Variants in SLC2A13 observed in about 807,000 individuals in gnomAD.
SLC2A13 encodes proton myo-inositol cotransporter.
Under a neutral mutation model 64.4 loss-of-function variants are expected in SLC2A13, and 32 were observed. That is an observed-to-expected ratio of 0.50 (90% CI 0.37 to 0.67). SLC2A13 has a LOEUF of 0.67. Among genes scored for constraint, SLC2A13 ranks in the 30% least tolerant of loss-of-function variants. The pLI, the probability that SLC2A13 is intolerant of heterozygous loss-of-function variation, is 0.00. For missense variants in SLC2A13, 743 were observed against 829.2 expected (o/e 0.90, Z 1.28); for synonymous variants, 338 against 327.1 (o/e 1.03, Z -0.36).
intron 3 of SLC2A13, among the ~76,000 whole-genome samples, chr12:39,995,933 A>G (rs1947221472): frequency 6.6e-6 from 1 of 152,212 alleles, no homozygotes; most frequent in Non-Finnish European, 1.5e-5. Flanking sequence ...GCTACATGGA[A>G]CTGTAAGTCC....
intron 4 of SLC2A13, among the ~76,000 whole-genome samples, chr12:39,939,937 A>G (rs1245342479): frequency 6.6e-6 from 1 of 152,172 alleles, no homozygotes; most frequent in Non-Finnish European, 1.5e-5. Context: ...AATTAGACTG[A>G]AAGCAATTAA....
chr12:39,864,074 G>A (rs1391470896), intron 6 of SLC2A13, among the ~76,000 whole-genome samples: 1 of 152,184 alleles, frequency 6.6e-6, no homozygotes, highest in Non-Finnish European at 1.5e-5. Flanking sequence ...TTGAAGCTCT[G>A]CTGCCAAATA....
chr12:40,046,691 C>T (rs1948176436), intron 2 of SLC2A13, among the ~76,000 whole-genome samples: 1 of 151,622 alleles, frequency 6.6e-6, no homozygotes, highest in Admixed American at 6.6e-5. Context: ...CATCTGCAGA[C>T]ACAACAACCG....
At chr12:40,053,471 A>G (rs944120238) in intron 1 of SLC2A13, among the ~76,000 whole-genome samples, 2 of 152,102 alleles carry the variant, frequency 1.3e-5, no homozygotes, top group Non-Finnish European at 2.9e-5. Context: ...GTAATGTGCC[A>G]TTCAAGGGCT....
chr12:40,055,363 T>G (rs1948318640), intron 1 of SLC2A13, among the ~76,000 whole-genome samples: 1 of 152,184 alleles, frequency 6.6e-6, no homozygotes, highest in African/African-American at 2.4e-5. Context: ...CTCAGTGAAG[T>G]CTCCCATGGC....
At chr12:39,901,289 C>G (rs994996117) in intron 4 of SLC2A13, among the ~76,000 whole-genome samples, 1 of 152,056 alleles carries the variant, frequency 6.6e-6, no homozygotes, top group Non-Finnish European at 1.5e-5. Flanking sequence ...GGGCAAGGAC[C>G]TCATGTCTAA....
At chr12:40,080,758 T>C (rs146864501) in intron 1 of SLC2A13, among the ~76,000 whole-genome samples, 5 of 152,294 alleles carry the variant, frequency 3.3e-5, no homozygotes, top group South Asian at 4.1e-4. Flanking sequence ...TGTTAGTAGG[T>C]TGTTATGCAG....
At chr12:39,889,462 G>A (rs1944546841) in intron 4 of SLC2A13, among the ~76,000 whole-genome samples, 1 of 151,470 alleles carries the variant, frequency 6.6e-6, no homozygotes, top group Non-Finnish European at 1.5e-5. Flanking sequence ...ATATTTGCAA[G>A]GTAGTCATAT....
chr12:39,846,200 T>C (rs1390750994), intron 6 of SLC2A13, among the ~76,000 whole-genome samples: 1 of 152,144 alleles, frequency 6.6e-6, no homozygotes, highest in Non-Finnish European at 1.5e-5. Flanking sequence ...AAAACCAAGG[T>C]GGTGAATACT....
intron 3 of SLC2A13, among the ~76,000 whole-genome samples, chr12:40,023,116 C>T (rs1947750436): frequency 6.6e-6 from 1 of 152,192 alleles, no homozygotes; most frequent in South Asian, 2.1e-4. Context: ...TTTTAATTTC[C>T]CTAGCTTCCC....
chr12:40,057,187 T>C (rs1948345323), intron 1 of SLC2A13, among the ~76,000 whole-genome samples: 1 of 152,076 alleles, frequency 6.6e-6, no homozygotes, highest in Admixed American at 6.6e-5. Context: ...GAAATGAAGC[T>C]GTGTGAAGTC....
chr12:39,922,138 CATT>C (rs1945625382), intron 4 of SLC2A13, among the ~76,000 whole-genome samples: 1 of 152,112 alleles, frequency 6.6e-6, no homozygotes, highest in African/African-American at 2.4e-5. Context: ...CCCAAAAAAC[CATT>C]ATTCTCTGTA....
At chr12:39,969,555 G>C (rs1221840171) in intron 3 of SLC2A13, among the ~76,000 whole-genome samples, 4 of 152,204 alleles carry the variant, frequency 2.6e-5, no homozygotes, top group Non-Finnish European at 5.9e-5. Flanking sequence ...GGCCAGTGAT[G>C]ATGAGCATTT....
chr12:39,919,228 C>A (rs1056483690), intron 4 of SLC2A13, among the ~76,000 whole-genome samples: 1 of 151,852 alleles, frequency 6.6e-6, no homozygotes, highest in Non-Finnish European at 1.5e-5. Context: ...TGTGCTCGGC[C>A]GATTATAAAT....
intron 6 of SLC2A13, among the ~76,000 whole-genome samples, chr12:39,848,597 T>A (rs561599176): frequency 1.3e-5 from 2 of 152,268 alleles, no homozygotes; most frequent in South Asian, 2.1e-4. Context: ...AATTCACCCA[T>A]TGTGGAAAGC....
chr12:39,912,329 G>A (rs1945445087), intron 4 of SLC2A13, among the ~76,000 whole-genome samples: 2 of 151,872 alleles, frequency 1.3e-5, no homozygotes, highest in Non-Finnish European at 2.9e-5. Flanking sequence ...TATATTCTGT[G>A]AGGACTATCA....
intron 4 of SLC2A13, among the ~76,000 whole-genome samples, chr12:39,895,453 G>A: frequency 7.8e-6 from 1 of 128,902 alleles, no homozygotes; most frequent in Non-Finnish European, 1.6e-5. Flanking sequence ...TCGTGCCACT[G>A]CACTCCAGCC....
In SLC2A13 at chr12:39,901,109, AT is replaced by A. The variant is rs752479280; in HGVS notation, c.1035-29149del. ...GGGGAAAGGATTCCCTATTTAATAA[AT>A]GGTGTGGGGAAAACTGGCTAGCCAT... is the stretch of plus-strand genomic sequence containing the variant. On this transcript the variant is annotated intron_variant, in intron 4 of 9. Transcript: ENST00000280871. Among the ~76,000 whole-genome samples, 136 of 152,340 alleles carry A rather than the reference AT, an allele frequency of 8.9e-4. 1 individual carries two copies. The highest frequency in any genetic ancestry group is 1.6e-3 in the Non-Finnish European group (108 of 68,028).
At chr12:40,083,069 T>C (rs1565620072) in intron 1 of SLC2A13, among the ~76,000 whole-genome samples, 1 of 152,200 alleles carries the variant, frequency 6.6e-6, no homozygotes, top group South Asian at 2.1e-4. Context: ...TCTTGTTAAA[T>C]AGCAATTTTC....
Sources: gnomAD v4.1 joint callset for allele counts (sites outside exome capture counted in the v4.1 genomes callset) on GRCh38, gnomAD v4.1.1 for gene constraint, MANE v1.5 for transcripts, NCBI Gene and HGNC (gene_info 2026-07-23, HGNC 2026-07-21) for gene names.